Variants in GRM7 observed in about 807,000 individuals in gnomAD.
GRM7 encodes glutamate metabotropic receptor 7.
A neutral mutation model predicts 84.5 loss-of-function variants in GRM7; 35 were observed. That is an observed-to-expected ratio of 0.41 (90% confidence interval 0.32 to 0.55). The LOEUF (loss-of-function observed/expected upper bound fraction) is 0.55. GRM7 is among the 20% of genes least tolerant of loss of function. The pLI is 0.19. For missense variants in GRM7, 1,003 were observed against 1,194.6 expected (o/e 0.84, Z 2.36); for synonymous variants, 487 against 455.1 (o/e 1.07, Z -0.89).
At chr3:6,915,093 G>A (rs1014032204) in intron 1 of GRM7, among the ~76,000 whole-genome samples, 7 of 152,114 alleles carry the variant, frequency 4.6e-5, no homozygotes, top group African/African-American at 1.7e-4. Flanking sequence ...GGTCCTTATT[G>A]CTCCAGGACT....
chr3:7,304,088 G>T (rs1377691257), intron 3 of GRM7, among the ~76,000 whole-genome samples: 3 of 152,054 alleles, frequency 2.0e-5, no homozygotes, highest in Non-Finnish European at 4.4e-5. Context: ...ACGTGGTAAA[G>T]AAGTGATTTA....
intron 1 of GRM7, among the ~76,000 whole-genome samples, chr3:7,073,764 G>A (rs1213318938): frequency 6.6e-6 from 1 of 152,162 alleles, no homozygotes; most frequent in African/African-American, 2.4e-5. Flanking sequence ...AACGTGAAGA[G>A]GTTGCAGTCA....
At chr3:7,596,452 T>G (rs79835776) in intron 8 of GRM7, among the ~76,000 whole-genome samples, 1,971 of 152,218 alleles carry the variant, frequency 0.013, 42 homozygotes, top group African/African-American at 0.039. Context: ...GGCATAATTG[T>G]AGATCGAAAA....
rs969680939 is a variant in GRM7 at position 7,356,094 on chromosome 3, G to A, written c.1033+49442G>A. Among the ~76,000 whole-genome samples, 5 of 152,094 alleles carry A rather than the reference G, an allele frequency of 3.3e-5. No individual in the cohort carries two copies. The East Asian group carries it at 7.7e-4, about 24-fold the overall frequency. ...CTTTTCTTAGCAGGAGAAATGATCA[G>A]ACACATGTGATTTTATACTGATTTA... On this transcript the variant is annotated intron_variant, in intron 4 of 9. Transcript: ENST00000357716.
In GRM7 at chr3:7,146,577, C is replaced by T; in HGVS notation, c.645C>T (p.Ala215=). Residue 215 remains alanine (A), a synonymous_variant, in exon 2 of 10, where the codon GCC becomes GCT. Coordinates refer to ENST00000357716, the MANE Select transcript of GRM7 (RefSeq NM_000844.4). ...QAQAMVDIVK[A]LGWNYVSTLA... ...AGGCCATGGTAGACATTGTAAAGGCCCTAGGCTGGAATTATGTGTCTACCC... is the reference window on the plus strand; with the variant it reads ...AGGCCATGGTAGACATTGTAAAGGCTCTAGGCTGGAATTATGTGTCTACCC... 1.2e-6 allele frequency: 2 copies of T among 1,613,926 alleles called. No individual in the cohort carries two copies. Among genetic ancestry groups the T allele is most frequent in the Non-Finnish European group, 1.7e-6 (2 of 1,179,940 alleles).
At chr3:7,174,409 A>T (rs1695079213) in intron 2 of GRM7, among the ~76,000 whole-genome samples, 1 of 152,168 alleles carries the variant, frequency 6.6e-6, no homozygotes, top group African/African-American at 2.4e-5. Flanking sequence ...TTAAAATAGA[A>T]TTTTTTTAGA....
chr3:6,872,662 G>C (rs892494283), intron 1 of GRM7, among the ~76,000 whole-genome samples: 1 of 151,488 alleles, frequency 6.6e-6, no homozygotes, highest in African/African-American at 2.4e-5. Context: ...CCCTCCCTGT[G>C]TCCATATGTT....
At chr3:7,603,529 C>T (rs551718905) in intron 8 of GRM7, among the ~76,000 whole-genome samples, 56 of 152,212 alleles carry the variant, frequency 3.7e-4, no homozygotes, top group African/African-American at 1.3e-3. Context: ...ATTGTGCAAG[C>T]TAGTTAAATT....
intron 1 of GRM7, among the ~76,000 whole-genome samples, chr3:6,879,346 A>G (rs987563501): frequency 1.3e-5 from 2 of 152,184 alleles, no homozygotes; most frequent in Admixed American, 1.3e-4. Flanking sequence ...TGATATATGA[A>G]CATAGTGGAG....
chr3:7,693,723 G>A, intron 9 of GRM7: 1 of 1,345,678 alleles, frequency 7.4e-7, no homozygotes, highest in Non-Finnish European at 1.0e-6. Flanking sequence ...GTGTCCTAAG[G>A]AAGCTTTGCT....
At chr3:6,991,988 AAACT>A (rs929293458) in intron 1 of GRM7, among the ~76,000 whole-genome samples, 1 of 152,198 alleles carries the variant, frequency 6.6e-6, no homozygotes, top group African/African-American at 2.4e-5. Flanking sequence ...GAAAAAAAAA[AAACT>A]ATCAATGCCA....
At position 6,896,154 on chromosome 3, in the gene GRM7, T is replaced by A. The variant is rs557639557; in HGVS notation, c.519+34247T>A. Among the ~76,000 whole-genome samples the A allele has an allele frequency of 5.1e-4, 78 of 152,310 alleles. 1 individual carries two copies. The highest frequency in any genetic ancestry group is 1.9e-3 in the African/African-American group (77 of 41,580). ...TTAGTTTGGAAGCCATTCCAAAGGA[T>A]GTGAATTGGAGCTGTGCTGTGCTGT... On this transcript the variant is annotated intron_variant, in intron 1 of 9. Transcript: ENST00000357716.
intron 2 of GRM7, among the ~76,000 whole-genome samples, chr3:7,152,668 C>T (rs971557540): frequency 7.9e-5 from 12 of 152,184 alleles, no homozygotes; most frequent in South Asian, 6.2e-4. Context: ...GGAGAAAGCT[C>T]TCTCTTACTC....
chr3:7,275,773 G>A (rs767833913), intron 2 of GRM7, among the ~76,000 whole-genome samples: 2 of 152,070 alleles, frequency 1.3e-5, no homozygotes, highest in Non-Finnish European at 2.9e-5. Context: ...GACATGAGGG[G>A]ATTTTTCTCA....
chr3:7,051,326 G>A (rs889855406), intron 1 of GRM7, among the ~76,000 whole-genome samples: 5 of 151,756 alleles, frequency 3.3e-5, no homozygotes, highest in South Asian at 2.1e-4. Context: ...CTGAGGTGGA[G>A]GATGTCTAAT....
In GRM7 at chr3:7,693,734, A is replaced by T. The variant is rs886859665; in HGVS notation, c.2698+13439A>T. The T allele has an allele frequency of 2.7e-5, 31 of 1,147,212 alleles. 1 individual carries two copies. Among genetic ancestry groups the T allele is most frequent in the East Asian group, 1.5e-4 (6 of 38,744 alleles). The allele number at this position is 1,147,212 out of a possible 1,614,324, so 71.1% of individuals were successfully genotyped here. ...CTAAGTGTCCTAAGGAAGCTTTGCTACCCAGCCCACCAATGAACTTAATGA... is the reference window on the plus strand; with the variant it reads ...CTAAGTGTCCTAAGGAAGCTTTGCTTCCCAGCCCACCAATGAACTTAATGA... On this transcript the variant is annotated intron_variant, in intron 9 of 9. Coordinates refer to ENST00000357716, the MANE Select transcript of GRM7 (RefSeq NM_000844.4).
chr3:7,032,697 G>A (rs1046433205), intron 1 of GRM7, among the ~76,000 whole-genome samples: 2 of 152,064 alleles, frequency 1.3e-5, no homozygotes, highest in Non-Finnish European at 2.9e-5. Flanking sequence ...TGCACACAAT[G>A]ATAATACACA....
At chr3:7,692,017 T>TATC (rs1553638219) in intron 9 of GRM7, among the ~76,000 whole-genome samples, 1 of 152,192 alleles carries the variant, frequency 6.6e-6, no homozygotes, top group Admixed American at 6.5e-5. Flanking sequence ...CATTTTTGTC[T>TATC]ATCATAAACT....
intron 2 of GRM7, among the ~76,000 whole-genome samples, chr3:7,264,487 A>G (rs1698558442): frequency 6.6e-6 from 1 of 152,078 alleles, no homozygotes; most frequent in South Asian, 2.1e-4. Flanking sequence ...TTGCCTGTTC[A>G]ACTCACCCTT....
Sources: allele counts gnomAD v4.1 joint callset (sites outside exome capture counted in the v4.1 genomes callset), GRCh38; gene constraint gnomAD v4.1.1; transcripts MANE v1.5; gene names NCBI Gene and HGNC (gene_info 2026-07-23, HGNC 2026-07-21).